PRKN: variants seen among roughly 807,000 people sequenced by gnomAD.
The protein encoded by PRKN is parkin RBR E3 ubiquitin protein ligase, also known as E3 ubiquitin-protein ligase parkin.
Under a neutral mutation model 59.5 loss-of-function variants are expected in PRKN, and 56 were observed. That is an observed-to-expected ratio of 0.94 (90% CI 0.76 to 1.18). PRKN has a LOEUF of 1.18. Among genes scored for constraint, PRKN ranks in the 50% most tolerant of loss-of-function variants. The pLI, the probability that PRKN is intolerant of heterozygous loss-of-function variation, is 0.00. For synonymous variants in PRKN, 250 were observed against 222.1 expected, an observed-to-expected ratio of 1.13 and a Z score of -1.12; for missense variants, 657 against 596.4, an observed-to-expected ratio of 1.10 and a Z score of -1.06.
intron 6 of PRKN, among the ~76,000 whole-genome samples, chr6:161,831,803 A>AG (rs11398076): frequency 0.37 from 56,274 of 152,052 alleles, 11,111 homozygotes; most frequent in African/African-American, 0.5. Flanking sequence ...AAACAGGGAG[A>AG]GGAGGCAGAA....
intron 1 of PRKN, among the ~76,000 whole-genome samples, chr6:162,527,398 ATT>A (rs999763903): frequency 2.6e-5 from 4 of 151,842 alleles, no homozygotes; most frequent in African/African-American, 7.3e-5. Context: ...ACATTCGAGG[ATT>A]TTTTTTTCCA....
rs1462901467 is a variant in PRKN, at chr6:161,579,228, T to C, written c.872-9812A>G. On this transcript the variant is annotated intron_variant, in intron 7 of 11. Coordinates refer to ENST00000366898, the MANE Select transcript of PRKN (RefSeq NM_004562.3). The surrounding 1 kb of genome is among the most constrained non-coding windows in gnomAD (Gnocchi z 4.2). ...GGTTGGTTGGTTACCTGAGTGAAAA[T>C]GTCAATGTCTAGTTAACGTTGGGGG... is the stretch of plus-strand genomic sequence containing the variant. 6.6e-6 allele frequency among the ~76,000 whole-genome samples: 1 copy of C among 152,170 alleles called. No individual in the cohort carries two copies. The highest frequency in any genetic ancestry group is 2.4e-5 in the African/African-American group (1 of 41,442).
At chr6:161,596,551 T>C (rs1781920036) in intron 7 of PRKN, among the ~76,000 whole-genome samples, 1 of 152,188 alleles carries the variant, frequency 6.6e-6, no homozygotes, top group Non-Finnish European at 1.5e-5. Flanking sequence ...CCTCCATTCA[T>C]GTCTGCCTTG....
chr6:161,404,198 C>T (rs1274856212), intron 9 of PRKN, among the ~76,000 whole-genome samples: 1 of 152,166 alleles, frequency 6.6e-6, no homozygotes, highest in Admixed American at 6.5e-5. Context: ...CCCTACTAGA[C>T]TCAAGTTCCC....
chr6:162,409,069 C>T (rs577065532), intron 2 of PRKN, among the ~76,000 whole-genome samples: 8 of 152,134 alleles, frequency 5.3e-5, no homozygotes, highest in African/African-American at 9.6e-5. Context: ...AATAAAGGAA[C>T]GATTTGCATA....
rs539673556 is a variant in PRKN at position 162,500,532 on chromosome 6, G to C, written c.8-57059C>G. Among the ~76,000 whole-genome samples, 29 of 152,242 alleles carry C rather than the reference G, an allele frequency of 1.9e-4. 1 individual carries two copies. The South Asian group carries it at 6.0e-3, about 32-fold the overall frequency. On this transcript the variant is annotated intron_variant, in intron 1 of 11. Transcript: ENST00000366898. ...AGTTAACTCCATTTCTCAGGAAGAC[G>C]GACGGAATGAGTATTCTCAACAGAT...
chr6:161,499,701 T>A lies in PRKN; in HGVS notation c.1083+49153A>T, dbSNP rs1777885697. Among the ~76,000 whole-genome samples the A allele has an allele frequency of 6.6e-6, 1 of 152,206 alleles. No individual in the cohort carries two copies. Among genetic ancestry groups the A allele is most frequent in the African/African-American group, 2.4e-5 (1 of 41,446 alleles). On this transcript the variant is annotated intron_variant, in intron 9 of 11. Transcript: ENST00000366898. The surrounding 1 kb of genome is among the most constrained non-coding windows in gnomAD (Gnocchi z 4.2). ...CATTTTCCATAAGTAACCCTTTCCCTTGACAATTCTTAGGCACAATTAATC... is the reference window on the plus strand; with the variant it reads ...CATTTTCCATAAGTAACCCTTTCCCATGACAATTCTTAGGCACAATTAATC...
chr6:161,364,645 A>T (rs898148410), intron 10 of PRKN, among the ~76,000 whole-genome samples: 4 of 146,668 alleles, frequency 2.7e-5, no homozygotes, highest in Non-Finnish European at 6.0e-5. Context: ...TTTGCTGGTT[A>T]AAAAAAAAAA....
At chr6:162,537,542 C>T (rs746001455) in intron 1 of PRKN, among the ~76,000 whole-genome samples, 7 of 152,136 alleles carry the variant, frequency 4.6e-5, no homozygotes, top group Non-Finnish European at 8.8e-5. Context: ...CACGTGTGAT[C>T]GCATCTTTCC....
In PRKN at chr6:161,716,122, T is replaced by A. The variant is rs115815599; in HGVS notation, c.871+69650A>T. 9.5e-4 allele frequency: 1,278 copies of A among 1,345,578 alleles called. 13 individuals are homozygous for A. The African/African-American group carries it at 0.017, about 18-fold the overall frequency. 83.4% of individuals were successfully genotyped at this position (1,345,578 alleles called of 1,614,324 possible). A position where few individuals can be genotyped will look rare whatever the true frequency, so the allele number is the denominator to read the frequency against. ...CAGAGCTCCTCTAAGCACCACTGTG[T>A]CTCCAGTTCCTGGTCAAATAGAATA... On this transcript the variant is annotated intron_variant, in intron 7 of 11. Coordinates refer to ENST00000366898, the MANE Select transcript of PRKN (RefSeq NM_004562.3).
At chr6:161,536,446 A>G (rs965958068) in intron 9 of PRKN, among the ~76,000 whole-genome samples, 1 of 152,002 alleles carries the variant, frequency 6.6e-6, no homozygotes, top group Non-Finnish European at 1.5e-5. Context: ...CTGTTCTGTT[A>G]GCAAGAGAAA....
chr6:161,872,908 T>C (rs1443736981), intron 6 of PRKN, among the ~76,000 whole-genome samples: 1 of 151,718 alleles, frequency 6.6e-6, no homozygotes, highest in Non-Finnish European at 1.5e-5. Flanking sequence ...CCAGAAGTTA[T>C]TCCAATTTTG....
Position 161,388,104 on chromosome 6 carries a change from C to T in PRKN, c.1084-1227G>A, listed in dbSNP as rs140179994. On this transcript the variant is annotated intron_variant, in intron 9 of 11. Coordinates refer to ENST00000366898, the MANE Select transcript of PRKN (RefSeq NM_004562.3). The surrounding 1 kb of genome is among the most constrained non-coding windows in gnomAD (Gnocchi z 4.3). The stretch of plus-strand genomic sequence containing the variant: ...CAGCCATGCTCTGAAGTTACTGTCA[C>T]GGTTGAGTTGTGGATCAGCAGTGGA... Among the ~76,000 whole-genome samples the T allele has an allele frequency of 8.8e-4, 134 of 152,310 alleles. 2 individuals are homozygous for T. Among genetic ancestry groups the T allele is most frequent in the African/African-American group, 3.1e-3 (128 of 41,556 alleles).
chr6:161,961,754 A>T (rs558229540), intron 6 of PRKN, among the ~76,000 whole-genome samples: 1 of 152,314 alleles, frequency 6.6e-6, no homozygotes, highest in African/African-American at 2.4e-5. Flanking sequence ...GCCACGGATG[A>T]ACTCAGTAAA....
rs1480825388 is a variant in PRKN, at chr6:161,407,814, C to CA, written c.1084-20938dup. 5.9e-5 allele frequency among the ~76,000 whole-genome samples: 9 copies of CA among 152,288 alleles called. No homozygotes were observed. The highest frequency in any genetic ancestry group is 5.8e-4 in the East Asian group (3 of 5,174). On this transcript the variant is annotated intron_variant, in intron 9 of 11. Coordinates refer to ENST00000366898, the MANE Select transcript of PRKN (RefSeq NM_004562.3). This position sits in a 1 kb window ranked among gnomAD's most constrained non-coding sequence, Gnocchi z 4.9. The stretch of plus-strand genomic sequence containing the variant: ...TTGTTCTGGCCCTGCCCCAACTGAT[C>CA]AGTTGACCTTGTGACATTCTTCTTT...
chr6:161,812,693 T>C (rs1791611952), intron 6 of PRKN, among the ~76,000 whole-genome samples: 1 of 152,222 alleles, frequency 6.6e-6, no homozygotes, highest in Non-Finnish European at 1.5e-5. Context: ...GATATTATCA[T>C]GCACCTACTA....
At chr6:162,006,360 A>G (rs968934519) in intron 5 of PRKN, among the ~76,000 whole-genome samples, 1 of 152,190 alleles carries the variant, frequency 6.6e-6, no homozygotes, top group Non-Finnish European at 1.5e-5. Context: ...GTCTTTCAAC[A>G]ATGTCAACCA....
chr6:161,520,395 T>TTTTTGTATTTTTA, intron 9 of PRKN, among the ~76,000 whole-genome samples: 1 of 152,154 alleles, frequency 6.6e-6, no homozygotes. Flanking sequence ...CGGCTAATTT[T>TTTTTGTATTTTTA]TTTTGTATTT....
At chr6:162,427,643 T>C (rs1789300086) in intron 2 of PRKN, among the ~76,000 whole-genome samples, 1 of 150,696 alleles carries the variant, frequency 6.6e-6, no homozygotes, top group Admixed American at 6.6e-5. Context: ...GGTAAATAAA[T>C]GTTTTTTTTT....
Sources: gnomAD v4.1 joint callset for allele counts (sites outside exome capture counted in the v4.1 genomes callset) on GRCh38, gnomAD v4.1.1 for gene constraint, Gnocchi (gnomAD v3.1) non-coding constraint, MANE v1.5 for transcripts, NCBI Gene and HGNC (gene_info 2026-07-23, HGNC 2026-07-21) for gene names.